Variants in STX7 observed in about 807,000 individuals in gnomAD.
STX7 encodes syntaxin-7.
In STX7, 34 loss-of-function variants were observed where a neutral mutation model predicts 39.6. The ratio of observed to expected loss-of-function variants is 0.86; its 90% confidence interval spans 0.65 to 1.14. The LOEUF (loss-of-function observed/expected upper bound fraction) is 1.14, where lower values mean the gene tolerates loss of function less well. Among genes scored for constraint, STX7 ranks in the 50% most tolerant of loss-of-function variants. STX7 has a pLI of 0.00. For synonymous variants in STX7, 119 were observed against 99.1 expected (o/e 1.20, Z -1.19); for missense variants, 284 against 310.4 (o/e 0.92, Z 0.64).
intron 2 of STX7, among the ~76,000 whole-genome samples, chr6:132,488,957 T>C (rs972601060): frequency 6.6e-6 from 1 of 152,100 alleles, no homozygotes; most frequent in Non-Finnish European, 1.5e-5. Context: ...ATCCCAGCAC[T>C]TTGGGAGGCC....
intron 9 of STX7, among the ~76,000 whole-genome samples, chr6:132,462,416 T>C (rs1243134238): frequency 1.3e-5 from 2 of 152,196 alleles, no homozygotes; most frequent in Non-Finnish European, 2.9e-5. Flanking sequence ...TCCTGTAGGC[T>C]TGGCCTTCCA....
intron 2 of STX7, among the ~76,000 whole-genome samples, chr6:132,479,776 G>A (rs569286578): frequency 3.2e-4 from 48 of 152,236 alleles, no homozygotes; most frequent in African/African-American, 9.4e-4. Context: ...ATTTTTGTTT[G>A]ATTTTTTGTA....
intron 7 of STX7, among the ~76,000 whole-genome samples, chr6:132,469,069 T>A (rs1356970697): frequency 1.3e-5 from 2 of 152,186 alleles, no homozygotes; most frequent in Non-Finnish European, 2.9e-5. Context: ...AAGGACTAAA[T>A]GAGATAATTA....
Position 132,446,940 on chromosome 6 carries a change from C to G in STX7, c.*13818G>C, listed in dbSNP as rs1774025489. On this transcript the variant is annotated 3_prime_UTR_variant, in exon 10 of 10. Coordinates refer to ENST00000367941, the MANE Select transcript of STX7 (RefSeq NM_003569.3). Reference sequence around the variant, plus strand: ...AAGCCAATAGAAGAGAGACAGTACTCTAAAAGAAGGCCTAGGAGCCATGAA... The same window carrying G: ...AAGCCAATAGAAGAGAGACAGTACTGTAAAAGAAGGCCTAGGAGCCATGAA... The G allele has an allele frequency of 6.6e-6, 1 of 152,118 alleles. No individual in the cohort carries two copies. Among genetic ancestry groups the G allele is most frequent in the Admixed American group, 6.6e-5 (1 of 15,254 alleles). The allele number at this position is 152,118 out of a possible 1,614,324, so 9.4% of individuals were successfully genotyped here.
At chr6:132,497,100 T>C (rs1413602890) in intron 2 of STX7, among the ~76,000 whole-genome samples, 2 of 152,138 alleles carry the variant, frequency 1.3e-5, no homozygotes, top group Non-Finnish European at 2.9e-5. Flanking sequence ...TTCACATACA[T>C]GCACCAAAAG....
intron 1 of STX7, among the ~76,000 whole-genome samples, chr6:132,507,237 G>T (rs1367226694): frequency 6.6e-6 from 1 of 152,112 alleles, no homozygotes; most frequent in African/African-American, 2.4e-5. Context: ...CAGACTTCAC[G>T]CTATGCAATA....
chr6:132,474,646 C>T (rs1415831303), intron 3 of STX7, among the ~76,000 whole-genome samples: 1 of 151,964 alleles, frequency 6.6e-6, no homozygotes, highest in Non-Finnish European at 1.5e-5. Context: ...CATTGGGTAA[C>T]TCGTTAAACC....
At chr6:132,503,133 G>A (rs1775618317) in intron 2 of STX7, among the ~76,000 whole-genome samples, 2 of 152,088 alleles carry the variant, frequency 1.3e-5, no homozygotes, top group African/African-American at 4.8e-5. Flanking sequence ...GAGTCATCAG[G>A]TCTCATCATC....
intron 2 of STX7, among the ~76,000 whole-genome samples, chr6:132,486,568 C>A (rs1562332102): frequency 6.6e-6 from 1 of 151,840 alleles, no homozygotes; most frequent in African/African-American, 2.4e-5. Flanking sequence ...CTTGTTACAT[C>A]CTTTTAAAAT....
rs1302589838 is a variant in STX7 at position 132,461,876 on chromosome 6, A to T, written c.694-1026T>A. 1.1e-5 allele frequency: 17 copies of T among 1,537,716 alleles called. No individual in the cohort carries two copies. The South Asian group carries it at 2.1e-4, about 19-fold the overall frequency. ...AATCCTTTTTCTTACAAAGTAGAAAAATTTGTAAATTTACTTTGTGTCAAG... is the reference window on the plus strand; with the variant it reads ...AATCCTTTTTCTTACAAAGTAGAAATATTTGTAAATTTACTTTGTGTCAAG... On this transcript the variant is annotated intron_variant, in intron 9 of 9. Transcript: ENST00000367941.
In STX7 at chr6:132,451,322, C is replaced by T. The variant is rs1035205832; in HGVS notation, c.*9436G>A. The T allele has an allele frequency of 1.3e-5, 2 of 152,176 alleles. No individual in the cohort carries two copies. The highest frequency in any genetic ancestry group is 4.8e-5 in the African/African-American group (2 of 41,418). 9.4% of individuals were successfully genotyped at this position (152,176 alleles called of 1,614,324 possible). On this transcript the variant is annotated 3_prime_UTR_variant, in exon 10 of 10. Coordinates refer to ENST00000367941, the MANE Select transcript of STX7 (RefSeq NM_003569.3). ...TGTTAGCCAGGCTGGTCTCAAACTCCTGACCTCAAGTGATCTGCCCGCCTT... is the reference window on the plus strand; with the variant it reads ...TGTTAGCCAGGCTGGTCTCAAACTCTTGACCTCAAGTGATCTGCCCGCCTT...
At chr6:132,512,815 G>C (rs12190479) in intron 1 of STX7, among the ~76,000 whole-genome samples, 192 bp downstream of exon 1, 23,923 of 152,182 alleles carry the variant, frequency 0.16, 2,023 homozygotes, top group Middle Eastern at 0.2. Flanking sequence ...CACCCGGCCG[G>C]GGGGCGTGGG....
intron 2 of STX7, among the ~76,000 whole-genome samples, chr6:132,493,097 G>A (rs183134884): frequency 4.6e-5 from 7 of 152,224 alleles, no homozygotes; most frequent in Admixed American, 1.3e-4. Flanking sequence ...GGAATAAAAG[G>A]CAAACTATCT....
intron 2 of STX7, among the ~76,000 whole-genome samples, chr6:132,477,178 TG>T (rs1477683942): frequency 1.3e-5 from 2 of 152,150 alleles, no homozygotes; most frequent in Non-Finnish European, 2.9e-5. Context: ...TTTTGCTTTT[TG>T]GGGGTTGATT....
chr6:132,499,297 T>C (rs1415173006), intron 2 of STX7, among the ~76,000 whole-genome samples: 1 of 152,212 alleles, frequency 6.6e-6, no homozygotes, highest in Non-Finnish European at 1.5e-5. Context: ...CTTTCTCAAA[T>C]AGAATAATCC....
At chr6:132,509,470 AACAT>A (rs1562343527) in intron 1 of STX7, among the ~76,000 whole-genome samples, 343 of 23,610 alleles carry the variant, frequency 0.015, 20 homozygotes, top group Middle Eastern at 0.045. Context: ...AACATAACAT[AACAT>A]AACATAACAT....
chr6:132,489,503 T>TC (rs1368561534), intron 2 of STX7, among the ~76,000 whole-genome samples: 1 of 152,206 alleles, frequency 6.6e-6, no homozygotes, highest in Non-Finnish European at 1.5e-5. Context: ...TTCTGGCTTT[T>TC]CCCCTCTAGC....
chr6:132,467,123 A>C (rs1360956051), intron 8 of STX7, among the ~76,000 whole-genome samples: 1 of 151,980 alleles, frequency 6.6e-6, no homozygotes, highest in Admixed American at 6.6e-5. Context: ...GGGTTATAGC[A>C]CTCTTCTGCT....
chr6:132,495,576 T>C (rs977477711), intron 2 of STX7, among the ~76,000 whole-genome samples: 1 of 152,132 alleles, frequency 6.6e-6, no homozygotes, highest in Admixed American at 6.5e-5. Flanking sequence ...TGAGTAAATA[T>C]ATGGTTCCAG....
Sources: allele counts gnomAD v4.1 joint callset (sites outside exome capture counted in the v4.1 genomes callset), GRCh38; gene constraint gnomAD v4.1.1; transcripts MANE v1.5; gene names NCBI Gene and HGNC (gene_info 2026-07-23, HGNC 2026-07-21).